The following FBXL17 variants were observed in gnomAD, a reference collection of about 807,000 sequenced individuals.
The protein encoded by FBXL17 is F-box/LRR-repeat protein 17.
In FBXL17, 22 loss-of-function variants were observed where a neutral mutation model predicts 66.2. The observed-to-expected ratio is 0.33, with a 90% CI of 0.24 to 0.47. The LOEUF is 0.47. Ranked by LOEUF, FBXL17 falls within the 20% of genes least tolerant of loss-of-function variation. The pLI, the probability that FBXL17 is intolerant of heterozygous loss-of-function variation, is 1.00. For synonymous variants in FBXL17, 474 were observed against 400.5 expected, an observed-to-expected ratio of 1.18 and a Z score of -2.19; for missense variants, 878 against 948.2, an observed-to-expected ratio of 0.93 and a Z score of 0.97.
chr5:108,186,134 G>A lies in FBXL17; in HGVS notation c.1728C>T (p.Asn576=). ...KNLSSLNLCL[N]WIINDRCVEV... ...ATGGTTACCTGTCATTTATGATCCA[G>A]TTCAGACAGAGATTGAGAGAGCTAA... Residue 576 remains asparagine (N), a synonymous_variant, in exon 6 of 9, where the codon AAC becomes AAT. Coordinates refer to ENST00000542267, the MANE Select transcript of FBXL17 (RefSeq NM_001163315.3). 1.9e-6 allele frequency: 3 copies of A among 1,611,478 alleles called. No homozygotes were observed. Among genetic ancestry groups the A allele is most frequent in the Non-Finnish European group, 8.5e-7 (1 of 1,177,852 alleles).
intron 7 of FBXL17, among the ~76,000 whole-genome samples, chr5:107,956,768 C>T (rs1751680332): frequency 6.6e-6 from 1 of 152,068 alleles, no homozygotes; most frequent in Admixed American, 6.6e-5. Context: ...CTCCTAACTC[C>T]CCAAGACAAG....
At chr5:108,273,952 A>G (rs1426208874) in intron 4 of FBXL17, among the ~76,000 whole-genome samples, 2 of 152,224 alleles carry the variant, frequency 1.3e-5, no homozygotes, top group African/African-American at 4.8e-5. Context: ...TAATGAATAC[A>G]AGAACCTTGA....
intron 6 of FBXL17, among the ~76,000 whole-genome samples, chr5:108,025,218 C>G (rs1211987174): frequency 6.6e-6 from 1 of 152,096 alleles, no homozygotes; most frequent in African/African-American, 2.4e-5. Flanking sequence ...AGCTGCCAGA[C>G]ACTGGTTTGC....
chr5:108,257,475 C>T (rs916106968), intron 4 of FBXL17, among the ~76,000 whole-genome samples: 6 of 151,936 alleles, frequency 3.9e-5, no homozygotes, highest in Non-Finnish European at 8.8e-5. Flanking sequence ...AACAAATGAG[C>T]GAGAGTCATT....
rs1748055657 is a variant in FBXL17 at position 107,859,321 on chromosome 5, C to G, written c.*2399G>C. 1 of 146,798 alleles carries G rather than the reference C, an allele frequency of 6.8e-6. No homozygotes were observed. Among genetic ancestry groups the G allele is most frequent in the Non-Finnish European group, 1.5e-5 (1 of 67,034 alleles). 9.1% of individuals were successfully genotyped at this position (146,798 alleles called of 1,614,324 possible). On this transcript the variant is annotated 3_prime_UTR_variant, in exon 9 of 9. Coordinates refer to ENST00000542267, the MANE Select transcript of FBXL17 (RefSeq NM_001163315.3). ...AGAAAAATTATTTTAAGCCTCATTT[C>G]AAAGCATCTAATGAGAACACATTCA...
At chr5:108,281,070 T>C (rs143515761) in intron 4 of FBXL17, among the ~76,000 whole-genome samples, 98 of 151,968 alleles carry the variant, frequency 6.4e-4, no homozygotes, top group African/African-American at 2.3e-3. Flanking sequence ...AATACAATAA[T>C]AGTGGAGGAA....
At chr5:108,122,101 G>A (rs1016820774) in intron 6 of FBXL17, among the ~76,000 whole-genome samples, 1 of 151,932 alleles carries the variant, frequency 6.6e-6, no homozygotes, top group African/African-American at 2.4e-5. Flanking sequence ...TTTGAAAAGG[G>A]CTTATTATGT....
chr5:107,885,449 G>A (rs575446276), intron 7 of FBXL17, among the ~76,000 whole-genome samples: 4 of 152,192 alleles, frequency 2.6e-5, no homozygotes, highest in African/African-American at 9.6e-5. Context: ...AATTACTTCC[G>A]TATATACAAG....
At chr5:107,912,573 C>A (rs1247239101) in intron 7 of FBXL17, among the ~76,000 whole-genome samples, 1 of 152,076 alleles carries the variant, frequency 6.6e-6, no homozygotes, top group African/African-American at 2.4e-5. Flanking sequence ...CAGATATTTA[C>A]ACTCTGATAC....
intron 6 of FBXL17, among the ~76,000 whole-genome samples, chr5:108,034,190 T>C (rs1037310718): frequency 6.6e-6 from 1 of 152,166 alleles, no homozygotes; most frequent in African/African-American, 2.4e-5. Context: ...AGTCATTGCA[T>C]ATAGCCCTCA....
intron 7 of FBXL17, among the ~76,000 whole-genome samples, chr5:107,933,505 C>T (rs561738418): frequency 3.4e-4 from 51 of 152,172 alleles, no homozygotes; most frequent in South Asian, 1.5e-3. Context: ...GTAGCTGGAA[C>T]GCAAAGAAAT....
intron 6 of FBXL17, among the ~76,000 whole-genome samples, chr5:108,070,976 A>C (rs1191276822): frequency 6.6e-6 from 1 of 152,234 alleles, no homozygotes; most frequent in Admixed American, 6.5e-5. Context: ...AGCAGATAAG[A>C]CATTGCCATA....
chr5:108,221,577 T>A (rs1333637513), intron 5 of FBXL17, among the ~76,000 whole-genome samples: 1 of 152,144 alleles, frequency 6.6e-6, no homozygotes, highest in South Asian at 2.1e-4. Flanking sequence ...ATTAAAGAGA[T>A]TTTCTAAAGC....
At chr5:108,090,771 G>A (rs931323345) in intron 6 of FBXL17, among the ~76,000 whole-genome samples, 9 of 152,144 alleles carry the variant, frequency 5.9e-5, no homozygotes, top group East Asian at 1.9e-4. Flanking sequence ...GGCCAGATTT[G>A]GCCAATGGAC....
chr5:108,044,020 A>G (rs1368704791), intron 6 of FBXL17, among the ~76,000 whole-genome samples: 2 of 152,212 alleles, frequency 1.3e-5, no homozygotes, highest in East Asian at 1.9e-4. Context: ...CAGAAATACA[A>G]TCGAGTTTTG....
chr5:108,328,578 G>A (rs1319622277), intron 4 of FBXL17, among the ~76,000 whole-genome samples: 3 of 152,110 alleles, frequency 2.0e-5, no homozygotes, highest in East Asian at 1.9e-4. Context: ...TGAAAATAGG[G>A]ACAGATACAC....
chr5:108,340,020 G>T (rs1019108858), intron 4 of FBXL17, among the ~76,000 whole-genome samples: 4 of 151,526 alleles, frequency 2.6e-5, no homozygotes, highest in African/African-American at 9.7e-5. Context: ...TCTTCCATAC[G>T]ACACTGGCAC....
rs1753378959 is a variant in FBXL17 at position 108,189,479 on chromosome 5, T to C, written c.1615-3232A>G. 2.6e-5 allele frequency among the ~76,000 whole-genome samples: 4 copies of C among 152,086 alleles called. No individual in the cohort carries two copies. In the South Asian group the frequency reaches 8.3e-4, roughly 32 times the overall value. On this transcript the variant is annotated intron_variant, in intron 5 of 8. Coordinates refer to ENST00000542267, the MANE Select transcript of FBXL17 (RefSeq NM_001163315.3). ...CAGCTATGCAGAGCAAAGAGGATCT[T>C]TGCCCCCACCTCCTGACCCTGAGAG... is the stretch of plus-strand genomic sequence containing the variant.
intron 7 of FBXL17, among the ~76,000 whole-genome samples, chr5:107,937,719 T>C (rs1182621931): frequency 1.3e-5 from 2 of 152,148 alleles, no homozygotes; most frequent in Non-Finnish European, 1.5e-5. Flanking sequence ...AGTGAATACA[T>C]GTTGAATTGA....
Sources: gnomAD v4.1 joint callset for allele counts (sites outside exome capture counted in the v4.1 genomes callset) on GRCh38, gnomAD v4.1.1 for gene constraint, MANE v1.5 for transcripts, NCBI Gene and HGNC (gene_info 2026-07-23, HGNC 2026-07-21) for gene names.